Variants in PRKN observed in about 807,000 individuals in gnomAD.
The protein encoded by PRKN is parkin RBR E3 ubiquitin protein ligase.
In PRKN, 56 loss-of-function variants were observed where a neutral mutation model predicts 59.5. The observed-to-expected ratio is 0.94, with a 90% CI of 0.76 to 1.18. PRKN has a LOEUF of 1.18. Among genes scored for constraint, PRKN ranks in the 50% most tolerant of loss-of-function variants. The pLI, the probability that PRKN is intolerant of heterozygous loss-of-function variation, is 0.00. For missense variants in PRKN, 657 were observed against 596.4 expected (o/e 1.10, Z -1.06); for synonymous variants, 250 against 222.1 (o/e 1.13, Z -1.12).
intron 1 of PRKN, among the ~76,000 whole-genome samples, chr6:162,446,050 C>T (rs1191612795): frequency 5.3e-5 from 8 of 152,074 alleles, no homozygotes; most frequent in Non-Finnish European, 7.4e-5. Flanking sequence ...ATACTAATTA[C>T]GGAGGAAAAG....
At chr6:162,260,563 A>G (rs1358044854) in intron 3 of PRKN, among the ~76,000 whole-genome samples, 1 of 152,188 alleles carries the variant, frequency 6.6e-6, no homozygotes, top group Admixed American at 6.5e-5. Flanking sequence ...GAAAGTGTCA[A>G]TAATTCTAAG....
intron 4 of PRKN, among the ~76,000 whole-genome samples, chr6:162,177,347 G>C (rs73783437): frequency 0.067 from 10,165 of 152,200 alleles, 1,077 homozygotes; most frequent in African/African-American, 0.23. Flanking sequence ...ATGCATGCCA[G>C]AGATATCAGA....
chr6:162,657,335 C>T (rs1371336118), intron 1 of PRKN, among the ~76,000 whole-genome samples: 3 of 152,118 alleles, frequency 2.0e-5, no homozygotes, highest in African/African-American at 7.2e-5. Context: ...AGATAAATTA[C>T]AAATTAACTG....
chr6:161,720,570 C>T (rs968370595), intron 7 of PRKN, among the ~76,000 whole-genome samples: 47 of 152,224 alleles, frequency 3.1e-4, no homozygotes, highest in Middle Eastern at 3.4e-3. Flanking sequence ...GGAGGCCTGG[C>T]ATTCATCTGA....
intron 2 of PRKN, among the ~76,000 whole-genome samples, chr6:162,360,804 G>A (rs142672126): frequency 1.2e-3 from 182 of 152,278 alleles, no homozygotes; most frequent in African/African-American, 4.1e-3. Flanking sequence ...TCTGCTTAGC[G>A]ATGGAGTTAG....
intron 4 of PRKN, among the ~76,000 whole-genome samples, chr6:162,138,401 G>T (rs1781635103): frequency 6.6e-6 from 1 of 152,132 alleles, no homozygotes; most frequent in Admixed American, 6.6e-5. Flanking sequence ...AAAAGGAATT[G>T]ATGTCGACTA....
At chr6:161,759,363 A>C (rs1054930576) in intron 7 of PRKN, among the ~76,000 whole-genome samples, 9 of 152,104 alleles carry the variant, frequency 5.9e-5, no homozygotes, top group Non-Finnish European at 1.2e-4. Context: ...TGGATTGGAA[A>C]GGTTGGCCAG....
chr6:161,716,064 G>A (rs1159732044), intron 7 of PRKN: 1 of 1,300,808 alleles, frequency 7.7e-7, no homozygotes, highest in Non-Finnish European at 1.0e-6. Context: ...GCTGTGCTGG[G>A]CCCATCTTAC....
chr6:162,634,778 C>T (rs1226335620), intron 1 of PRKN, among the ~76,000 whole-genome samples: 12 of 152,158 alleles, frequency 7.9e-5, no homozygotes, highest in Admixed American at 7.9e-4. Context: ...CACACGCCAC[C>T]ATGGCCAGCT....
chr6:161,443,583 C>T (rs1467342177), intron 9 of PRKN, among the ~76,000 whole-genome samples: 1 of 151,986 alleles, frequency 6.6e-6, no homozygotes, highest in Non-Finnish European at 1.5e-5. Flanking sequence ...ACAAATCACA[C>T]CATATAAATT....
intron 7 of PRKN, among the ~76,000 whole-genome samples, chr6:161,752,361 T>C (rs1788731999): frequency 6.9e-6 from 1 of 145,668 alleles, no homozygotes; most frequent in African/African-American, 2.5e-5. Context: ...AGCGAGACTC[T>C]GTCTCAAACA....
intron 1 of PRKN, among the ~76,000 whole-genome samples, chr6:162,686,547 A>G (rs968294577): frequency 6.6e-6 from 1 of 152,196 alleles, no homozygotes; most frequent in Non-Finnish European, 1.5e-5. Context: ...CTAGAAAATA[A>G]GTTCTTCCAG....
intron 6 of PRKN, among the ~76,000 whole-genome samples, chr6:161,869,653 A>ATG (rs1379951414): frequency 6.6e-6 from 1 of 152,146 alleles, no homozygotes; most frequent in African/African-American, 2.4e-5. Flanking sequence ...CTCACAACAC[A>ATG]AACATGCTGT....
intron 5 of PRKN, among the ~76,000 whole-genome samples, chr6:162,013,852 G>T (rs1023517454): frequency 2.6e-5 from 4 of 152,112 alleles, no homozygotes; most frequent in African/African-American, 9.7e-5. Context: ...AGTGGGTAAA[G>T]TTATTTGGAA....
intron 6 of PRKN, among the ~76,000 whole-genome samples, chr6:161,956,349 G>C (rs1780169195): frequency 6.6e-6 from 1 of 152,162 alleles, no homozygotes. Context: ...TCTATGCTCA[G>C]AAACAAATGG....
In PRKN at chr6:161,526,358, T is replaced by A. The variant is rs114720775; in HGVS notation, c.1083+22496A>T. On this transcript the variant is annotated intron_variant, in intron 9 of 11. Coordinates refer to ENST00000366898, the MANE Select transcript of PRKN (RefSeq NM_004562.3). This position sits in a 1 kb window ranked among gnomAD's most constrained non-coding sequence, Gnocchi z 4.1. ...TTGCTTATTGTATTGTACTTGAGTA[T>A]TGAATAATTGCTTCTTGCTTACTTT... is the stretch of plus-strand genomic sequence containing the variant. Among the ~76,000 whole-genome samples the A allele has an allele frequency of 1.1e-3, 171 of 152,340 alleles. No homozygotes were observed. The highest frequency in any genetic ancestry group is 4.0e-3 in the African/African-American group (165 of 41,586).
At chr6:161,433,570 T>C (rs1053943289) in intron 9 of PRKN, among the ~76,000 whole-genome samples, 1 of 152,212 alleles carries the variant, frequency 6.6e-6, no homozygotes. Flanking sequence ...AGAAGTGAAA[T>C]GGACTACTAG....
intron 1 of PRKN, among the ~76,000 whole-genome samples, chr6:162,567,126 ATTAAAAGCCAT>A (rs1780114872): frequency 6.6e-6 from 1 of 152,060 alleles, no homozygotes. Context: ...TATGGCTTTT[ATTAAAAGCCAT>A]AAATGACAGA....
At chr6:161,730,541 T>C (rs552449034) in intron 7 of PRKN, among the ~76,000 whole-genome samples, 1 of 151,440 alleles carries the variant, frequency 6.6e-6, no homozygotes, top group Admixed American at 6.5e-5. Context: ...CTTTCTGATG[T>C]GTTGCATTCT....
Sources: allele counts gnomAD v4.1 joint callset (sites outside exome capture counted in the v4.1 genomes callset), GRCh38; gene constraint gnomAD v4.1.1; non-coding constraint Gnocchi (gnomAD v3.1); transcripts MANE v1.5; gene names NCBI Gene and HGNC (gene_info 2026-07-23, HGNC 2026-07-21).